OR3A2: variants seen among roughly 807,000 people sequenced by gnomAD.
The protein encoded by OR3A2 is olfactory receptor family 3 subfamily A member 2, also known as olfactory receptor 3A2.
For missense variants in OR3A2, 318 were observed against 392.8 expected, an observed-to-expected ratio of 0.81 and a Z score of 1.61; for synonymous variants, 126 against 159.3, an observed-to-expected ratio of 0.79 and a Z score of 1.57.
chr17:3,297,213 C>A (rs941998779), intron 3 of OR3A2, among the ~76,000 whole-genome samples: 3 of 152,112 alleles, frequency 2.0e-5, no homozygotes, highest in Admixed American at 6.6e-5. Context: ...ATCAACAATT[C>A]CTGTTGTATC....
At chr17:3,343,511 C>T (rs763156300) in intron 2 of OR3A2, among the ~76,000 whole-genome samples, 4 of 152,206 alleles carry the variant, frequency 2.6e-5, no homozygotes, top group Non-Finnish European at 2.9e-5. Flanking sequence ...TTTTAATGTG[C>T]TGCGTCTTGC....
intron 2 of OR3A2, among the ~76,000 whole-genome samples, chr17:3,382,438 A>G (rs2049745147): frequency 6.6e-6 from 1 of 152,220 alleles, no homozygotes; most frequent in African/African-American, 2.4e-5. Context: ...GAGATGGATG[A>G]CAACACATTT....
chr17:3,278,112 T>G, exon 2 of OR3A2: 2 of 1,614,194 alleles, frequency 1.2e-6, no homozygotes, highest in Non-Finnish European at 1.7e-6. Flanking sequence ...GTCTGAAGCC[T>G]CCTCTGAACC....
At chr17:3,281,596 A>T (rs1260099364) in intron 1 of OR3A2, among the ~76,000 whole-genome samples, 1 of 152,140 alleles carries the variant, frequency 6.6e-6, no homozygotes. Flanking sequence ...CTGAGCAGAT[A>T]CTTCCAACGA....
At chr17:3,342,824 C>T (rs1567561676) in intron 2 of OR3A2, among the ~76,000 whole-genome samples, 1 of 152,222 alleles carries the variant, frequency 6.6e-6, no homozygotes, top group Non-Finnish European at 1.5e-5. Context: ...AGCTGTCAGA[C>T]AGGGACGTTT....
At chr17:3,290,875 T>TA (rs374287353) in intron 3 of OR3A2, 18 of 152,340 alleles carry the variant, frequency 1.2e-4, no homozygotes, top group African/African-American at 4.1e-4. Flanking sequence ...CTGAAATATG[T>TA]AAATAATGCT....
intron 3 of OR3A2, among the ~76,000 whole-genome samples, chr17:3,317,790 C>T (rs2873612): frequency 0.15 from 22,997 of 151,990 alleles, 2,317 homozygotes; most frequent in African/African-American, 0.28. Flanking sequence ...CTCTCTCTAA[C>T]AAAAGCCAGA....
chr17:3,325,256 T>G (rs981275524), intron 3 of OR3A2, among the ~76,000 whole-genome samples: 1 of 141,894 alleles, frequency 7.0e-6, no homozygotes, highest in African/African-American at 2.7e-5. Flanking sequence ...TCGCCCAGAC[T>G]GGGAGTGCAG....
At chr17:3,345,899 G>A (rs970444921) in intron 2 of OR3A2, among the ~76,000 whole-genome samples, 7 of 152,100 alleles carry the variant, frequency 4.6e-5, no homozygotes, top group Non-Finnish European at 8.8e-5. Context: ...TGAAATTTCA[G>A]ATCACTAAGA....
intron 3 of OR3A2, among the ~76,000 whole-genome samples, chr17:3,289,897 T>C (rs1240186355): frequency 6.6e-6 from 1 of 152,162 alleles, no homozygotes; most frequent in Non-Finnish European, 1.5e-5. Context: ...CTTTTTCCTG[T>C]GTCTATTGAC....
rs1340419762 is a variant in OR3A2, at chr17:3,329,243, ATTCCCTCTT to A, written c.-85+6781_-85+6789del. On this transcript the variant is annotated intron_variant, in intron 3 of 4. Coordinates refer to the OR3A2 transcript ENST00000573491. ...GGCCTCATAAAATGAGTTAGGGAGGATTCCCTCTTTTTCTGTTGATTGGAATAGTTTCAG... is the reference window on the plus strand; with the variant it reads ...GGCCTCATAAAATGAGTTAGGGAGGATTTCTGTTGATTGGAATAGTTTCAG... Among the ~76,000 whole-genome samples, 8 of 151,224 alleles carry A rather than the reference ATTCCCTCTT, an allele frequency of 5.3e-5. No homozygotes were observed. In the East Asian group the frequency reaches 1.6e-3, roughly 29 times the overall value.
At chr17:3,337,823 A>G (rs547758787) in intron 2 of OR3A2, among the ~76,000 whole-genome samples, 115 of 152,300 alleles carry the variant, frequency 7.6e-4, no homozygotes, top group African/African-American at 2.7e-3. Flanking sequence ...TGGTATTTCT[A>G]GTTCTAGATC....
chr17:3,308,281 G>A (rs959207104), intron 3 of OR3A2, among the ~76,000 whole-genome samples: 3 of 152,168 alleles, frequency 2.0e-5, no homozygotes, highest in East Asian at 1.9e-4. Context: ...TGATGTCAGC[G>A]GAGTTGCTTG....
At chr17:3,364,257 T>C (rs1465660218) in intron 2 of OR3A2, among the ~76,000 whole-genome samples, 1 of 152,240 alleles carries the variant, frequency 6.6e-6, no homozygotes, top group African/African-American at 2.4e-5. Context: ...ATTTATGGGG[T>C]ATAATATGTT....
intron 1 of OR3A2, 73 bp from the exon 5 acceptor site, chr17:3,278,996 C>A: frequency 6.4e-7 from 1 of 1,559,786 alleles, no homozygotes; most frequent in Non-Finnish European, 8.7e-7. Context: ...TATTTTAAAC[C>A]ATTTATGTTC....
chr17:3,363,678 A>C (rs1411819552), intron 2 of OR3A2, among the ~76,000 whole-genome samples: 1 of 148,058 alleles, frequency 6.8e-6, no homozygotes, highest in East Asian at 1.9e-4. Flanking sequence ...CCCTGGTACC[A>C]ATTTTCTCTA....
intron 3 of OR3A2, among the ~76,000 whole-genome samples, chr17:3,306,679 C>CAAAAAAAA (rs71153340): frequency 4.9e-4 from 53 of 109,274 alleles, no homozygotes; most frequent in African/African-American, 1.5e-3. Flanking sequence ...TACTACTCTT[C>CAAAAAAAA]AAAAAAAAAA....
upstream of OR3A2, among the ~76,000 whole-genome samples, chr17:3,288,868 C>T (rs62089534): frequency 5.3e-5 from 8 of 152,016 alleles, no homozygotes; most frequent in Admixed American, 1.3e-4. Flanking sequence ...AGATACTCAG[C>T]TATATATATA....
chr17:3,364,904 T>C (rs925646739), intron 2 of OR3A2, among the ~76,000 whole-genome samples: 1 of 125,636 alleles, frequency 8.0e-6, no homozygotes, highest in South Asian at 2.7e-4. Context: ...GCAGAACATA[T>C]AAGCACTAAG....
Sources: gnomAD v4.1 joint callset for allele counts (sites outside exome capture counted in the v4.1 genomes callset) on GRCh38, gnomAD v4.1.1 for gene constraint, MANE v1.5 for transcripts, NCBI Gene and HGNC (gene_info 2026-07-23, HGNC 2026-07-21) for gene names.